The following SPTBN4 variants were observed in gnomAD, a reference collection of about 807,000 sequenced individuals.
SPTBN4 encodes the protein spectrin beta, non-erythrocytic 4, also known as spectrin beta chain, non-erythrocytic 4.
A neutral mutation model predicts 277.8 loss-of-function variants in SPTBN4; 96 were observed. That is an observed-to-expected ratio of 0.35 (90% CI 0.29 to 0.41). The LOEUF is 0.41. Among genes scored for constraint, SPTBN4 ranks in the 10% least tolerant of loss-of-function variants. SPTBN4 has a pLI of 1.00. For missense variants in SPTBN4, 3,006 were observed against 3,595.7 expected, an observed-to-expected ratio of 0.84 and a Z score of 4.19; for synonymous variants, 1,481 against 1,580.3, an observed-to-expected ratio of 0.94 and a Z score of 1.49.
rs1450228312 is a variant in SPTBN4, at chr19:40,467,053, T to G, written c.-268T>G. On this transcript the variant is annotated 5_prime_UTR_variant, in exon 1 of 36. Transcript: ENST00000598249. ...ACCCCACGCCGCGGCCGGGTGTGAC[T>G]GCGCGTGGGCCTCGGGCGGCGGGGC... Among the ~76,000 whole-genome samples the G allele has an allele frequency of 2.0e-5, 3 of 150,788 alleles. No homozygotes were observed. Among genetic ancestry groups the G allele is most frequent in the Admixed American group, 6.6e-5 (1 of 15,132 alleles).
At chr19:40,517,961 G>A (rs1315071715) in intron 15 of SPTBN4, among the ~76,000 whole-genome samples, 1 of 152,160 alleles carries the variant, frequency 6.6e-6, no homozygotes. Context: ...CAGAAAGACA[G>A]TTAAATACAC....
intron 27 of SPTBN4, among the ~76,000 whole-genome samples, chr19:40,561,822 CAAAAA>C (rs59811599): frequency 1.7e-5 from 1 of 58,578 alleles, no homozygotes; most frequent in Non-Finnish European, 3.6e-5. Context: ...AACTCCGTCT[CAAAAA>C]AAAAAAAAAG....
rs2080119241 is a variant in SPTBN4, at chr19:40,490,019, G to A, written c.322-56G>A. On this transcript the variant is annotated intron_variant, in intron 3 of 35. Coordinates refer to ENST00000598249, the MANE Select transcript of SPTBN4 (RefSeq NM_020971.3). This position sits in a 1 kb window ranked among gnomAD's most constrained non-coding sequence, Gnocchi z 4.3. The stretch of plus-strand genomic sequence containing the variant: ...TTCTTTGGAAGCTGCGGGGCCGAGG[G>A]CGCCATACTCCTGTCTGTCCAGACC... 2.7e-6 allele frequency: 4 copies of A among 1,492,804 alleles called. No homozygotes were observed. The highest frequency in any genetic ancestry group is 4.9e-5 in the East Asian group (2 of 40,826). 92.5% of individuals were successfully genotyped at this position (1,492,804 alleles called of 1,614,324 possible).
chr19:40,531,460 GTTTGTTTTTT>G (rs2080670224), intron 18 of SPTBN4, among the ~76,000 whole-genome samples: 5 of 81,402 alleles, frequency 6.1e-5, no homozygotes, highest in African/African-American at 2.6e-4. Flanking sequence ...GGAGTCCAGT[GTTTGTTTTTT>G]TTTTTTTTTT....
intron 13 of SPTBN4, among the ~76,000 whole-genome samples, chr19:40,509,798 G>A (rs933985816): frequency 1.3e-5 from 2 of 152,180 alleles, no homozygotes; most frequent in African/African-American, 4.8e-5. Flanking sequence ...TGATGGGGAA[G>A]TTTCTCACCC....
At chr19:40,552,562 A>G (rs529107449) in intron 22 of SPTBN4, among the ~76,000 whole-genome samples, 1 of 151,964 alleles carries the variant, frequency 6.6e-6, no homozygotes, top group South Asian at 2.1e-4. Context: ...CTATAACCCT[A>G]TGAGGTAGAT....
At chr19:40,562,402 T>C (rs1396389369) in intron 27 of SPTBN4, among the ~76,000 whole-genome samples, 1 of 151,888 alleles carries the variant, frequency 6.6e-6, no homozygotes, top group African/African-American at 2.4e-5. Flanking sequence ...TTGTGGCATG[T>C]GCCTGTAGTC....
chr19:40,483,022 A>G (rs2080029988), intron 2 of SPTBN4, among the ~76,000 whole-genome samples: 1 of 151,984 alleles, frequency 6.6e-6, no homozygotes, highest in Admixed American at 6.6e-5. Flanking sequence ...ACACACACAC[A>G]TAGACACACA....
intron 13 of SPTBN4, among the ~76,000 whole-genome samples, chr19:40,506,738 G>A (rs991038442): frequency 6.6e-6 from 1 of 152,106 alleles, no homozygotes; most frequent in African/African-American, 2.4e-5. Flanking sequence ...AGCCCTTTTG[G>A]AGGCCGAGGC....
chr19:40,489,422 C>T (rs1568767967), intron 3 of SPTBN4, among the ~76,000 whole-genome samples: 1 of 151,760 alleles, frequency 6.6e-6, no homozygotes, highest in Non-Finnish European at 1.5e-5. Context: ...GTCTCGCTCC[C>T]TCACCCAGGC....
intron 1 of SPTBN4, among the ~76,000 whole-genome samples, chr19:40,469,644 T>TATTTTTTTG (rs2079862978): frequency 6.6e-6 from 1 of 150,662 alleles, no homozygotes; most frequent in Admixed American, 6.6e-5. Context: ...ATTTCTTCTC[T>TATTTTTTTG]TTTTTTTTGT....
intron 13 of SPTBN4, among the ~76,000 whole-genome samples, chr19:40,510,691 G>A (rs569853369): frequency 1.3e-5 from 2 of 152,156 alleles, no homozygotes; most frequent in African/African-American, 2.4e-5. Context: ...CAGAAATCCC[G>A]CATTCCACAT....
At position 40,483,293 on chromosome 19, in the gene SPTBN4, A is replaced by G. The variant is rs576759844; in HGVS notation, c.170-4404A>G. 1.3e-5 allele frequency among the ~76,000 whole-genome samples: 2 copies of G among 152,138 alleles called. 1 individual carries two copies. The highest frequency in any genetic ancestry group is 4.1e-4 in the South Asian group (2 of 4,828). On this transcript the variant is annotated intron_variant, in intron 2 of 35. Coordinates refer to ENST00000598249, the MANE Select transcript of SPTBN4 (RefSeq NM_020971.3). ...TACTAGCCAAAACCTGCTATTTGGC[A>G]TGGGCATCATCTGTTAGAAGGCAGA...
rs541568174 is a variant in SPTBN4 at position 40,558,517 on chromosome 19, T to C, written c.5670+1114T>C. 7.9e-5 allele frequency among the ~76,000 whole-genome samples: 12 copies of C among 152,278 alleles called. No homozygotes were observed. The East Asian group carries it at 2.1e-3, about 27-fold the overall frequency. On this transcript the variant is annotated intron_variant, in intron 26 of 35. Coordinates refer to ENST00000598249, the MANE Select transcript of SPTBN4 (RefSeq NM_020971.3). The stretch of plus-strand genomic sequence containing the variant: ...TCGGATGTGGATCTGAGCAGTCAGA[T>C]GGAAATGAAGCTGCAGGCCCAATAC...
intron 26 of SPTBN4, among the ~76,000 whole-genome samples, chr19:40,559,688 G>A (rs1417576876): frequency 1.3e-5 from 2 of 152,206 alleles, no homozygotes; most frequent in Non-Finnish European, 2.9e-5. Context: ...AAGATAGAGT[G>A]AGCAGAGCTC....
chr19:40,567,146 C>G (rs189289342), intron 30 of SPTBN4: 1 of 454,954 alleles, frequency 2.2e-6, no homozygotes, highest in East Asian at 7.0e-5. Context: ...AAAGAAAAAA[C>G]AGCCAGGCGT....
In SPTBN4 at chr19:40,515,467, G is replaced by A. The variant is rs764358577; in HGVS notation, c.2903+19G>A. On this transcript the variant is annotated intron_variant, in intron 15 of 35. Transcript: ENST00000598249. The surrounding 1 kb of genome is among the most constrained non-coding windows in gnomAD (Gnocchi z 4.1). ...ACAGCAGGTAGGAGGGCCTGGGGCTGGGAGTCCCTCCCATCCTTCCCTTCC... is the reference window on the plus strand; with the variant it reads ...ACAGCAGGTAGGAGGGCCTGGGGCTAGGAGTCCCTCCCATCCTTCCCTTCC... 1.3e-6 allele frequency: 2 copies of A among 1,542,144 alleles called. No individual in the cohort carries two copies. The highest frequency in any genetic ancestry group is 4.9e-5 in the East Asian group (2 of 40,456).
In SPTBN4 at chr19:40,512,590, C is replaced by T; in HGVS notation, c.1817-16C>T. ...GCTTGTGACCAATCCTGGATGCTCCCCTTCTCCTGGCTCAGGCTACCAGCC... is the reference window on the plus strand; with the variant it reads ...GCTTGTGACCAATCCTGGATGCTCCTCTTCTCCTGGCTCAGGCTACCAGCC... On this transcript the variant is annotated splice_polypyrimidine_tract_variant and intron_variant, in intron 13 of 35. Coordinates refer to ENST00000598249, the MANE Select transcript of SPTBN4 (RefSeq NM_020971.3). The T allele has an allele frequency of 6.6e-7, 1 of 1,517,670 alleles. No individual in the cohort carries two copies. Among genetic ancestry groups the T allele is most frequent in the Non-Finnish European group, 8.8e-7 (1 of 1,140,468 alleles). The allele number at this position is 1,517,670 out of a possible 1,614,324, so 94.0% of individuals were successfully genotyped here. A position where few individuals can be genotyped will look rare whatever the true frequency, so the allele number is the denominator to read the frequency against.
In SPTBN4 at chr19:40,575,450, G is replaced by A. The variant is rs753821774; in HGVS notation, c.7576G>A (p.Val2526Met). Reference protein sequence around the residue: ...NGWLEAVASSVAEHAEIARWG... With the variant: ...NGWLEAVASSMAEHAEIARWG... ...CTGGCTGGAGGCTGTAGCTTCCTCG[G>A]TGGCGGAACACGCAGAGATCGCCCG... Residue 2526 changes from valine to methionine, a missense_variant, in exon 36 of 36, where the codon GTG becomes ATG. Val to Met is a conservative substitution (Grantham distance 21). Coordinates refer to ENST00000598249, the MANE Select transcript of SPTBN4 (RefSeq NM_020971.3). The A allele has an allele frequency of 6.2e-6, 10 of 1,613,324 alleles. No homozygotes were observed. In the East Asian group the frequency reaches 2.0e-4, roughly 32 times the overall value.
Sources: gnomAD v4.1 joint callset for allele counts (sites outside exome capture counted in the v4.1 genomes callset) on GRCh38, gnomAD v4.1.1 for gene constraint, Gnocchi (gnomAD v3.1) non-coding constraint, MANE v1.5 for transcripts, NCBI Gene and HGNC (gene_info 2026-07-23, HGNC 2026-07-21) for gene names.